Variants in ZDHHC11B observed in about 807,000 individuals in gnomAD.
The protein encoded by ZDHHC11B is probable palmitoyltransferase ZDHHC11B.
Under a neutral mutation model 42.3 loss-of-function variants are expected in ZDHHC11B, and 17 were observed. That is an observed-to-expected ratio of 0.40 (90% CI 0.27 to 0.60). ZDHHC11B has a LOEUF of 0.60. ZDHHC11B is among the 20% of genes least tolerant of loss of function. The pLI, the probability that ZDHHC11B is intolerant of heterozygous loss-of-function variation, is 0.41. For missense variants in ZDHHC11B, 262 were observed against 463.2 expected, an observed-to-expected ratio of 0.57 and a Z score of 3.99; for synonymous variants, 123 against 193.5, an observed-to-expected ratio of 0.64 and a Z score of 3.02.
At chr5:739,750 G>C (rs1466922262) in intron 10 of ZDHHC11B, among the ~76,000 whole-genome samples, 5 of 144,948 alleles carry the variant, frequency 3.4e-5, no homozygotes, top group African/African-American at 1.2e-4. Flanking sequence ...ATCTGATCTA[G>C]CAATCCCACT....
intron 1 of ZDHHC11B, among the ~76,000 whole-genome samples, chr5:774,102 C>A (rs1736271744): frequency 6.6e-6 from 1 of 151,920 alleles, no homozygotes; most frequent in Admixed American, 6.6e-5. Flanking sequence ...GGGGCTTCGT[C>A]CCAGACACCG....
chr5:740,096 G>A (rs1744003205), intron 10 of ZDHHC11B, among the ~76,000 whole-genome samples: 1 of 139,192 alleles, frequency 7.2e-6, no homozygotes, highest in African/African-American at 2.5e-5. Flanking sequence ...AAAGACATAA[G>A]AATGATGTAA....
intron 7 of ZDHHC11B, 108 bp downstream of exon 7, chr5:751,025 C>A: frequency 1.3e-6 from 1 of 773,316 alleles, no homozygotes; most frequent in Middle Eastern, 5.3e-4. Flanking sequence ...CTGCCTGCCC[C>A]GGCCTCTCCC....
At chr5:723,313 C>T (rs1742327623) in intron 12 of ZDHHC11B, among the ~76,000 whole-genome samples, 1 of 140,848 alleles carries the variant, frequency 7.1e-6, no homozygotes, top group Non-Finnish European at 1.6e-5. Flanking sequence ...AGACCCTGGG[C>T]AGTGATGTTC....
intron 1 of ZDHHC11B, among the ~76,000 whole-genome samples, chr5:770,018 C>T (rs556393911): frequency 6.6e-6 from 1 of 151,902 alleles, no homozygotes; most frequent in South Asian, 2.1e-4. Flanking sequence ...CCAACTCCAG[C>T]GACAGCTTCT....
chr5:741,286 T>A (rs1366130391), intron 10 of ZDHHC11B, among the ~76,000 whole-genome samples: 1 of 147,952 alleles, frequency 6.8e-6, no homozygotes, highest in African/African-American at 2.5e-5. Flanking sequence ...GACTCACAAC[T>A]ACCCACATGT....
At chr5:724,729 T>G (rs1320623213) in intron 12 of ZDHHC11B, among the ~76,000 whole-genome samples, 1 of 150,832 alleles carries the variant, frequency 6.6e-6, no homozygotes, top group Non-Finnish European at 1.5e-5. Context: ...ACCTGTCTCC[T>G]ATATGCAGTT....
At chr5:761,652 T>C (rs1734628291) in intron 4 of ZDHHC11B, among the ~76,000 whole-genome samples, 1 of 151,856 alleles carries the variant, frequency 6.6e-6, no homozygotes, top group Admixed American at 6.6e-5. Context: ...CCTCCCATGG[T>C]AGAAGCCTGA....
chr5:758,436 G>A lies in ZDHHC11B; in HGVS notation c.223-2292C>T, dbSNP rs181297018. ...TCGCACAAAGAAGCCCGCTGCCAGG[G>A]AGACGGTGCTGCTGCTGGGGGCCAC... On this transcript the variant is annotated intron_variant, in intron 4 of 13. Coordinates refer to ENST00000508859, the MANE Select transcript of ZDHHC11B (RefSeq NM_001351303.2). 6.7e-3 allele frequency among the ~76,000 whole-genome samples: 1,024 copies of A among 151,920 alleles called. 18 individuals carry two copies. The highest frequency in any genetic ancestry group is 9.9e-3 in the Non-Finnish European group (671 of 67,854).
chr5:775,145 TCTGTC>T (rs1325611982), intron 1 of ZDHHC11B, among the ~76,000 whole-genome samples: 1 of 151,890 alleles, frequency 6.6e-6, no homozygotes, highest in Non-Finnish European at 1.5e-5. Flanking sequence ...CCTGAGAACC[TCTGTC>T]CTGGTCACAA....
chr5:754,253 G>T (rs1746235205), intron 6 of ZDHHC11B, among the ~76,000 whole-genome samples: 1 of 122,146 alleles, frequency 8.2e-6, no homozygotes, highest in African/African-American at 3.0e-5. Context: ...GTGCTCAGGG[G>T]AAACACCTCT....
At chr5:737,445 G>A (rs4045350) in intron 10 of ZDHHC11B, among the ~76,000 whole-genome samples, 148,740 of 148,972 alleles carry the variant, frequency 1, 74,270 homozygotes, top group Middle Eastern at 1. Flanking sequence ...TCCATAAATC[G>A]TTCCATGAAG....
chr5:762,928 G>T (rs1734811202), intron 4 of ZDHHC11B, among the ~76,000 whole-genome samples: 1 of 151,722 alleles, frequency 6.6e-6, no homozygotes, highest in Non-Finnish European at 1.5e-5. Context: ...TGAAGAAGAG[G>T]TAGGAAGACA....
At chr5:724,371 ATT>A (rs386402805) in intron 12 of ZDHHC11B, among the ~76,000 whole-genome samples, 2,586 of 81,344 alleles carry the variant, frequency 0.032, 62 homozygotes, top group African/African-American at 0.11. Flanking sequence ...AACCCAGCTA[ATT>A]TTTTTTTTTT....
chr5:765,836 C>T (rs1187106724), intron 4 of ZDHHC11B, among the ~76,000 whole-genome samples: 4 of 152,040 alleles, frequency 2.6e-5, no homozygotes, highest in Non-Finnish European at 4.4e-5. Flanking sequence ...AGAACTGTAA[C>T]ACTCACCGCG....
At chr5:720,441 G>C (rs1272425278) in intron 12 of ZDHHC11B, among the ~76,000 whole-genome samples, 1 of 151,780 alleles carries the variant, frequency 6.6e-6, no homozygotes, top group Non-Finnish European at 1.5e-5. Context: ...TATCCTTCCA[G>C]AATAAAGCAA....
intron 4 of ZDHHC11B, among the ~76,000 whole-genome samples, chr5:759,136 C>T (rs1734239651): frequency 6.6e-6 from 1 of 151,954 alleles, no homozygotes; most frequent in Non-Finnish European, 1.5e-5. Flanking sequence ...CCCAAACTGC[C>T]TGCCCTCTGG....
At chr5:766,149 G>A (rs1433663585) in intron 4 of ZDHHC11B, among the ~76,000 whole-genome samples, 5 of 151,842 alleles carry the variant, frequency 3.3e-5, no homozygotes, top group Non-Finnish European at 5.9e-5. Context: ...GGAGATGCGA[G>A]CAGACACAGG....
At chr5:728,484 A>G (rs1160001483) in intron 12 of ZDHHC11B, among the ~76,000 whole-genome samples, 1 of 151,910 alleles carries the variant, frequency 6.6e-6, no homozygotes, top group Non-Finnish European at 1.5e-5. Context: ...TGTAGTGAAC[A>G]ATGGTTGACT....
Sources: gnomAD v4.1 joint callset for allele counts (sites outside exome capture counted in the v4.1 genomes callset) on GRCh38, gnomAD v4.1.1 for gene constraint, MANE v1.5 for transcripts, NCBI Gene and HGNC (gene_info 2026-07-23, HGNC 2026-07-21) for gene names.